The following EDRF1 variants were observed in gnomAD, a reference collection of about 807,000 sequenced individuals.
EDRF1 encodes the protein erythroid differentiation-related factor 1.
In EDRF1, 69 loss-of-function variants were observed where a neutral mutation model predicts 148.7. That is an observed-to-expected ratio of 0.46 (90% CI 0.38 to 0.57). The LOEUF (loss-of-function observed/expected upper bound fraction) is 0.57, where lower values mean the gene tolerates loss of function less well. Ranked by LOEUF, EDRF1 falls within the 20% of genes least tolerant of loss-of-function variation. The pLI is 0.00. For missense variants in EDRF1, 1,118 were observed against 1,478.7 expected (o/e 0.76, Z 4.00); for synonymous variants, 515 against 532.8 (o/e 0.97, Z 0.46).
At position 125,723,947 on chromosome 10, in the gene EDRF1, T is replaced by G. The variant is rs1236371679; in HGVS notation, c.510+11T>G. On this transcript the variant is annotated intron_variant, in intron 4 of 24. Transcript: ENST00000356792. ...ATGAGATCGTCTCAGGTAATGCTTT[T>G]GTGAAAAAATCCAACAAAACATTAA... 1.2e-6 allele frequency: 2 copies of G among 1,612,920 alleles called. No individual in the cohort carries two copies. Among genetic ancestry groups the G allele is most frequent in the Non-Finnish European group, 1.7e-6 (2 of 1,179,166 alleles).
intron 13 of EDRF1, among the ~76,000 whole-genome samples, chr10:125,737,116 G>A (rs528234998): frequency 2.0e-5 from 3 of 152,098 alleles, no homozygotes; most frequent in Admixed American, 6.5e-5. Flanking sequence ...GTGAAAAAAT[G>A]TTCTGGTTAT....
At position 125,763,514 on chromosome 10, in the gene EDRF1, A is replaced by C; in HGVS notation, c.*42A>C. The C allele has an allele frequency of 6.3e-7, 1 of 1,590,058 alleles. No homozygotes were observed. Among genetic ancestry groups the C allele is most frequent in the Non-Finnish European group, 8.5e-7 (1 of 1,171,832 alleles). On this transcript the variant is annotated 3_prime_UTR_variant, in exon 25 of 25. Coordinates refer to ENST00000356792, the MANE Select transcript of EDRF1 (RefSeq NM_001202438.2). The surrounding 1 kb of genome is among the most constrained non-coding windows in gnomAD (Gnocchi z 4.3). ...CCCAGACACGCTGTCAGTGCCTTCA[A>C]CACGGAGCCGGTTTGTTCATTCGGT...
At chr10:125,729,916 C>G (rs893043876) in intron 8 of EDRF1, among the ~76,000 whole-genome samples, 3 of 152,164 alleles carry the variant, frequency 2.0e-5, no homozygotes, top group African/African-American at 7.2e-5. Context: ...TCTTAATGCT[C>G]CACGTGTATT....
At chr10:125,723,747 T>G in intron 3 of EDRF1, 64 bp from the exon 4 acceptor site, 1 of 1,518,004 alleles carries the variant, frequency 6.6e-7, no homozygotes, top group Non-Finnish European at 9.1e-7. Context: ...AAGCTAAAAT[T>G]TAAAAGATTC....
At chr10:125,719,952 GGGAGCGGAGGACCCGCTCCACC>G (rs768788107) in intron 1 of EDRF1, 37 bp downstream of exon 1, 1 of 1,578,902 alleles carries the variant, frequency 6.3e-7, no homozygotes, top group African/African-American at 1.3e-5. Flanking sequence ...CCAGGGATGT[GGGAGCGGAGGACCCGCTCCACC>G]GGGGAGGGAT....
intron 17 of EDRF1, chr10:125,742,225 A>G: frequency 7.8e-7 from 1 of 1,289,366 alleles, no homozygotes; most frequent in Non-Finnish European, 1.0e-6. Flanking sequence ...GTCAGGCTTT[A>G]AAACTGGGAA....
At chr10:125,738,580 G>A (rs1848853024) in intron 15 of EDRF1, 135 bp downstream of exon 15, 3 of 1,028,980 alleles carry the variant, frequency 2.9e-6, no homozygotes, top group Non-Finnish European at 4.3e-6. Context: ...TGGAATTAGG[G>A]GTAGTATTCT....
intron 2 of EDRF1, among the ~76,000 whole-genome samples, chr10:125,722,024 A>G (rs969885837): frequency 6.6e-5 from 10 of 152,168 alleles, no homozygotes; most frequent in Non-Finnish European, 1.3e-4. Context: ...TTTCCATGTA[A>G]CTTGTAGCAA....
intron 24 of EDRF1, chr10:125,761,349 C>G (rs1414417590): frequency 3.9e-6 from 1 of 253,236 alleles, no homozygotes; most frequent in Non-Finnish European, 8.0e-6. Flanking sequence ...TTAGAATTTA[C>G]TCTTCTACTG....
intron 24 of EDRF1, among the ~76,000 whole-genome samples, chr10:125,762,460 T>G (rs1315510164): frequency 2.6e-5 from 4 of 151,368 alleles, no homozygotes; most frequent in Non-Finnish European, 5.9e-5. Flanking sequence ...TCTGGTTATG[T>G]GAGCCAGGGG....
chr10:125,748,931 C>A (rs1341471280), intron 21 of EDRF1: 2 of 218,408 alleles, frequency 9.2e-6, no homozygotes, highest in Non-Finnish European at 1.8e-5. Flanking sequence ...TCTGGGCAAA[C>A]CTGAATTTTG....
intron 9 of EDRF1, among the ~76,000 whole-genome samples, chr10:125,730,989 C>T (rs955109694): frequency 6.6e-5 from 10 of 151,910 alleles, no homozygotes; most frequent in African/African-American, 1.9e-4. Flanking sequence ...AGAAAAACAA[C>T]GCACACACTT....
At chr10:125,736,133 A>C (rs575733301) in intron 13 of EDRF1, among the ~76,000 whole-genome samples, 1 of 152,126 alleles carries the variant, frequency 6.6e-6, no homozygotes, top group African/African-American at 2.4e-5. Context: ...GTGTCTGTCT[A>C]TTCTTATGTG....
intron 15 of EDRF1, 61 bp from the exon 16 acceptor site, chr10:125,740,402 T>C (rs1848956101): frequency 1.3e-6 from 2 of 1,540,670 alleles, no homozygotes; most frequent in African/African-American, 1.4e-5. Context: ...AAATATTTTT[T>C]GTGCATGAGA....
chr10:125,747,405 A>G (rs1346673017), intron 19 of EDRF1, 131 bp from the exon 20 acceptor site: 3 of 1,049,378 alleles, frequency 2.9e-6, no homozygotes, highest in African/African-American at 3.2e-5. Context: ...TTTCCTCATA[A>G]TATTGTCTCT....
intron 24 of EDRF1, among the ~76,000 whole-genome samples, chr10:125,761,745 A>G (rs1850202323): frequency 6.6e-6 from 1 of 152,222 alleles, no homozygotes; most frequent in African/African-American, 2.4e-5. Context: ...GGACAAATCA[A>G]AAGATTTTAA....
chr10:125,763,984 A>T lies in EDRF1; in HGVS notation c.*512A>T, dbSNP rs1850302808. ...ATTTTTCAAAGACGAGCTGTTGTGC[A>T]ATTTGCTGTATTTAATGCATGTTCT... On this transcript the variant is annotated 3_prime_UTR_variant, in exon 25 of 25. Transcript: ENST00000356792. The surrounding 1 kb of genome is among the most constrained non-coding windows in gnomAD (Gnocchi z 4.3). 1.2e-5 allele frequency: 2 copies of T among 163,746 alleles called. No individual in the cohort carries two copies. 10.1% of individuals were successfully genotyped at this position (163,746 alleles called of 1,614,324 possible). A position where few individuals can be genotyped will look rare whatever the true frequency, so the allele number is the denominator to read the frequency against.
chr10:125,733,809 A>T (rs1206163650), intron 11 of EDRF1, 66 bp downstream of exon 11: 1 of 1,435,242 alleles, frequency 7.0e-7, no homozygotes, highest in African/African-American at 1.4e-5. Context: ...GCATACAGTC[A>T]CAGTTTCCAA....
intron 24 of EDRF1, among the ~76,000 whole-genome samples, chr10:125,759,068 G>A (rs1337075406): frequency 6.6e-6 from 1 of 152,152 alleles, no homozygotes; most frequent in African/African-American, 2.4e-5. Context: ...CATAGCAGCT[G>A]CTGTTACCCT....
Sources: allele counts gnomAD v4.1 joint callset (sites outside exome capture counted in the v4.1 genomes callset), GRCh38; gene constraint gnomAD v4.1.1; non-coding constraint Gnocchi (gnomAD v3.1); transcripts MANE v1.5; gene names NCBI Gene and HGNC (gene_info 2026-07-23, HGNC 2026-07-21).